VPS8: variants seen among roughly 807,000 people sequenced by gnomAD.
VPS8 encodes the protein VPS8 subunit of CORVET complex.
A neutral mutation model predicts 216.4 loss-of-function variants in VPS8; 129 were observed. That is an observed-to-expected ratio of 0.60 (90% CI 0.52 to 0.69). The LOEUF (loss-of-function observed/expected upper bound fraction) is 0.69, where lower values mean the gene tolerates loss of function less well. VPS8 is among the 30% of genes least tolerant of loss of function. The probability of loss-of-function intolerance (pLI) is 0.00; values close to 1 mark genes in which losing one functional copy is unlikely to be tolerated. For synonymous variants in VPS8, 571 were observed against 565.4 expected, an observed-to-expected ratio of 1.01 and a Z score of -0.14; for missense variants, 1,531 against 1,683.5, an observed-to-expected ratio of 0.91 and a Z score of 1.59.
In VPS8 at chr3:184,915,489, T is replaced by C; in HGVS notation, c.2382+15T>C. On this transcript the variant is annotated intron_variant, in intron 28 of 47. Transcript: ENST00000625842. Reference sequence around the variant, plus strand: ...TATTGGCACTGGTAAGAGACAGTATTATTTTAAGGTGTTTTCAAAGAAGAC... The same window carrying C: ...TATTGGCACTGGTAAGAGACAGTATCATTTTAAGGTGTTTTCAAAGAAGAC... The C allele has an allele frequency of 6.2e-7, 1 of 1,610,142 alleles. No homozygotes were observed.
At chr3:184,859,332 C>T (rs1475002457) in intron 14 of VPS8, among the ~76,000 whole-genome samples, 7 of 152,118 alleles carry the variant, frequency 4.6e-5, no homozygotes, top group Admixed American at 3.9e-4. Context: ...ATTCTTCCAC[C>T]GAAGCTTCAC....
At chr3:184,824,924 G>A in intron 2 of VPS8, 139 bp downstream of exon 2, 1 of 681,574 alleles carries the variant, frequency 1.5e-6, no homozygotes. Context: ...TTTTTTTTTG[G>A]ATACAGGGTC....
At chr3:184,969,865 C>A (rs984221953) in intron 39 of VPS8, among the ~76,000 whole-genome samples, 2 of 150,630 alleles carry the variant, frequency 1.3e-5, no homozygotes, top group Admixed American at 6.6e-5. Flanking sequence ...AATAAATTTT[C>A]CAGAAATAGT....
chr3:184,998,009 C>T (rs536260115), intron 44 of VPS8, among the ~76,000 whole-genome samples: 43 of 152,064 alleles, frequency 2.8e-4, no homozygotes, highest in Admixed American at 3.9e-4. Flanking sequence ...GACCATGAGG[C>T]GGGAGAGCCT....
intron 39 of VPS8, among the ~76,000 whole-genome samples, chr3:184,969,591 A>T (rs1328766848): frequency 6.7e-6 from 1 of 149,746 alleles, no homozygotes; most frequent in Non-Finnish European, 1.5e-5. Flanking sequence ...CACCACTCCC[A>T]GCTAATCTTT....
chr3:184,984,808 C>T (rs1750814955), intron 42 of VPS8, among the ~76,000 whole-genome samples: 1 of 152,028 alleles, frequency 6.6e-6, no homozygotes, highest in South Asian at 2.1e-4. Context: ...TCTCTCTGTG[C>T]TATACATTTT....
chr3:184,915,459 A>C lies in VPS8; in HGVS notation c.2367A>C (p.Leu789=), dbSNP rs4686879. The C allele has an allele frequency of 0.62, 999,735 of 1,612,636 alleles. 315,612 individuals are homozygous for C. The highest frequency in any genetic ancestry group is 0.67 in the Middle Eastern group (3,990 of 5,966). ...TLLHFDTREF[L]NVLALTFEDF... is the part of the protein sequence containing the mutation. The stretch of plus-strand genomic sequence containing the variant: ...TACATTTTGACACAAGAGAATTTCT[A>C]AATGTATTGGCACTGGTAAGAGACA... Residue 789 remains leucine (L), a synonymous_variant, in exon 28 of 48, where the codon CTA becomes CTC. Transcript: ENST00000625842.
intron 45 of VPS8, among the ~76,000 whole-genome samples, chr3:185,000,869 T>A (rs1753324463): frequency 6.6e-6 from 1 of 152,194 alleles, no homozygotes; most frequent in Non-Finnish European, 1.5e-5. Flanking sequence ...CCTCCCAAAG[T>A]GCTGGGATTA....
At chr3:184,892,883 A>G (rs1283503416) in intron 22 of VPS8, among the ~76,000 whole-genome samples, 1 of 152,206 alleles carries the variant, frequency 6.6e-6, no homozygotes. Context: ...TTAACAACAC[A>G]TTACAGAGTA....
intron 26 of VPS8, among the ~76,000 whole-genome samples, chr3:184,914,061 G>T (rs1737058279): frequency 6.6e-6 from 1 of 152,138 alleles, no homozygotes; most frequent in Non-Finnish European, 1.5e-5. Context: ...CCTGGAGCAG[G>T]GTTCATTCTA....
At chr3:184,999,195 TTA>T (rs1295086635) in intron 44 of VPS8, among the ~76,000 whole-genome samples, 2 of 152,156 alleles carry the variant, frequency 1.3e-5, no homozygotes, top group African/African-American at 4.8e-5. Context: ...GTAGCTGGGA[TTA>T]CAGGTACCTG....
chr3:184,920,310 C>G, intron 29 of VPS8, 112 bp downstream of exon 29: 1 of 686,676 alleles, frequency 1.5e-6, no homozygotes, highest in Non-Finnish European at 2.2e-6. Flanking sequence ...GGAATCATAT[C>G]GTAAAATTTT....
At chr3:184,998,545 A>C (rs1752955025) in intron 44 of VPS8, among the ~76,000 whole-genome samples, 1 of 147,448 alleles carries the variant, frequency 6.8e-6, no homozygotes, top group African/African-American at 2.6e-5. Context: ...ATATAGCGAG[A>C]GAGAGAGAGA....
Position 184,851,260 on chromosome 3 carries a change from T to C in VPS8, c.753+1238T>C, listed in dbSNP as rs143419748. Among the ~76,000 whole-genome samples, 504 of 152,194 alleles carry C rather than the reference T, an allele frequency of 3.3e-3. 1 individual carries two copies. The highest frequency in any genetic ancestry group is 4.4e-3 in the Non-Finnish European group (297 of 68,004). On this transcript the variant is annotated intron_variant, in intron 10 of 47. Transcript: ENST00000625842. ...TGCAGTTGAGATAAATAACATATAG[T>C]AGGAGCCATTGTGTTGCTTGACAAT...
intron 22 of VPS8, among the ~76,000 whole-genome samples, chr3:184,890,755 A>G (rs1366998005): frequency 1.3e-5 from 2 of 152,180 alleles, no homozygotes; most frequent in Non-Finnish European, 2.9e-5. Context: ...AAAATTTGGC[A>G]TTAGAGTCTT....
intron 24 of VPS8, among the ~76,000 whole-genome samples, chr3:184,899,100 T>C (rs1397617762): frequency 2.0e-5 from 3 of 152,238 alleles, no homozygotes; most frequent in African/African-American, 7.2e-5. Flanking sequence ...TATTTGTTAA[T>C]TGATCATTTT....
At chr3:184,827,113 C>T (rs942356889) in intron 3 of VPS8, among the ~76,000 whole-genome samples, 4 of 152,258 alleles carry the variant, frequency 2.6e-5, no homozygotes, top group Admixed American at 2.6e-4. Context: ...GATAAAGACC[C>T]AAAAGTTCCC....
chr3:184,946,875 T>C (rs1262671188), intron 36 of VPS8, among the ~76,000 whole-genome samples: 2 of 152,104 alleles, frequency 1.3e-5, no homozygotes, highest in Non-Finnish European at 2.9e-5. Context: ...TTAGACACTC[T>C]ACTGAAAGCA....
chr3:184,914,297 G>C (rs1182641743), intron 26 of VPS8, among the ~76,000 whole-genome samples: 1 of 152,110 alleles, frequency 6.6e-6, no homozygotes, highest in Admixed American at 6.5e-5. Context: ...AGGATATGCT[G>C]GTGTCCAGTT....
Sources: gnomAD v4.1 joint callset for allele counts (sites outside exome capture counted in the v4.1 genomes callset) on GRCh38, gnomAD v4.1.1 for gene constraint, MANE v1.5 for transcripts, NCBI Gene and HGNC (gene_info 2026-07-23, HGNC 2026-07-21) for gene names.